The following TNS1 variants were observed in gnomAD, a reference collection of about 807,000 sequenced individuals.
TNS1 encodes the protein tensin-1.
A neutral mutation model predicts 168.6 loss-of-function variants in TNS1; 62 were observed. The ratio of observed to expected loss-of-function variants is 0.37; its 90% CI spans 0.30 to 0.45. The LOEUF (loss-of-function observed/expected upper bound fraction) is 0.45, where lower values mean the gene tolerates loss of function less well. Among genes scored for constraint, TNS1 ranks in the 20% least tolerant of loss-of-function variants. The probability of loss-of-function intolerance (pLI) is 1.00; values close to 1 mark genes in which losing one functional copy is unlikely to be tolerated. For synonymous variants in TNS1, 934 were observed against 933.2 expected, an observed-to-expected ratio of 1.00 and a Z score of -0.02; for missense variants, 2,240 against 2,339.4, an observed-to-expected ratio of 0.96 and a Z score of 0.88.
chr2:218,012,147 A>C (rs775297034), upstream of TNS1, among the ~76,000 whole-genome samples: 4 of 152,168 alleles, frequency 2.6e-5, no homozygotes, highest in Non-Finnish European at 4.4e-5. Context: ...TTGTCAGAGG[A>C]AATAGATAAA....
At chr2:217,844,738 T>TC (rs1946419499) in intron 19 of TNS1, among the ~76,000 whole-genome samples, 2 of 152,330 alleles carry the variant, frequency 1.3e-5, no homozygotes, top group South Asian at 4.1e-4. Context: ...AGTTCTTTTT[T>TC]CCCCCTATTA....
intron 9 of TNS1, among the ~76,000 whole-genome samples, chr2:217,894,522 T>G (rs184255367): frequency 6.6e-6 from 1 of 152,124 alleles, no homozygotes; most frequent in East Asian, 1.9e-4. Flanking sequence ...CCAGGCATGG[T>G]AGCACGTGCC....
intron 21 of TNS1, 99 bp from the exon 22 acceptor site, chr2:217,831,646 C>T: frequency 2.0e-6 from 2 of 980,906 alleles, no homozygotes; most frequent in Non-Finnish European, 1.4e-6. Context: ...GGCTGGGGGG[C>T]TGGAGACGGT....
upstream of TNS1, chr2:218,010,428 C>T (rs1009693329): frequency 2.6e-5 from 10 of 379,176 alleles, no homozygotes; most frequent in African/African-American, 2.1e-4. Context: ...GCTCCATCTC[C>T]GGGGAACCCC....
chr2:217,826,882 A>C (rs1171819134), intron 22 of TNS1, among the ~76,000 whole-genome samples: 1 of 152,142 alleles, frequency 6.6e-6, no homozygotes, highest in East Asian at 1.9e-4. Flanking sequence ...CCACACCCTG[A>C]AGTGCATTTT....
At chr2:217,852,340 C>A (rs572883294) in intron 18 of TNS1, among the ~76,000 whole-genome samples, 5 of 152,262 alleles carry the variant, frequency 3.3e-5, no homozygotes, top group Admixed American at 2.6e-4. Context: ...AGCCAGGGCA[C>A]CCCCTCTGCC....
intron 21 of TNS1, among the ~76,000 whole-genome samples, chr2:217,832,082 A>G (rs1944513132): frequency 6.6e-6 from 1 of 152,158 alleles, no homozygotes; most frequent in South Asian, 2.1e-4. Flanking sequence ...GAAGGAGATA[A>G]TGGGCCAGAG....
intron 3 of TNS1, among the ~76,000 whole-genome samples, chr2:217,946,969 T>TCACACACACACACACACACA (rs372012573): frequency 1.0e-4 from 12 of 118,850 alleles, no homozygotes; most frequent in African/African-American, 2.0e-4. Flanking sequence ...TCTCTCTCTC[T>TCACACACACACACACACACA]CACACACACA....
chr2:217,817,224 A>G (rs1490229205), intron 24 of TNS1, among the ~76,000 whole-genome samples: 3 of 152,156 alleles, frequency 2.0e-5, no homozygotes, highest in African/African-American at 7.2e-5. Flanking sequence ...CTGGATTGGA[A>G]GCCTTGGCTC....
At chr2:217,868,426 T>C (rs765285935) in intron 18 of TNS1, among the ~76,000 whole-genome samples, 2 of 152,178 alleles carry the variant, frequency 1.3e-5, no homozygotes, top group African/African-American at 4.8e-5. Flanking sequence ...TAGTTCTGCA[T>C]AGTGGGAAGA....
chr2:217,831,623 C>T (rs1944436456), intron 21 of TNS1, 76 bp from the exon 22 acceptor site: 2 of 1,228,358 alleles, frequency 1.6e-6, no homozygotes, highest in South Asian at 1.8e-5. Context: ...CACGTGAGGG[C>T]ACGCTTAGTG....
chr2:217,854,639 C>A (rs1333217082), intron 18 of TNS1, among the ~76,000 whole-genome samples: 2 of 152,228 alleles, frequency 1.3e-5, no homozygotes, highest in Non-Finnish European at 2.9e-5. Context: ...AGGCCACGTG[C>A]ATCTGAGAGG....
At chr2:217,920,142 C>T (rs886671372) in intron 4 of TNS1, 53 bp downstream of exon 4, 35 of 702,840 alleles carry the variant, frequency 5.0e-5, no homozygotes, top group Non-Finnish European at 8.1e-5. Flanking sequence ...CAGCTGGGAG[C>T]TGCGGAGGGA....
chr2:217,901,174 G>A (rs951034573), intron 6 of TNS1, among the ~76,000 whole-genome samples: 1 of 152,154 alleles, frequency 6.6e-6, no homozygotes, highest in Non-Finnish European at 1.5e-5. Context: ...ATCCATCCCA[G>A]GGCAGCAGGA....
chr2:218,003,198 G>A (rs536519076), upstream of TNS1, among the ~76,000 whole-genome samples: 134 of 147,518 alleles, frequency 9.1e-4, no homozygotes, highest in South Asian at 6.9e-3. Context: ...CCCCCAGGCC[G>A]TGCCCCCCAC....
Position 217,906,370 on chromosome 2 carries a change from G to C in TNS1, c.286C>G (p.Arg96Gly), listed in dbSNP as rs139988479. Residue 96 changes from arginine to glycine, a missense_variant, in exon 6 of 33, where the codon CGG becomes GGG. By Grantham distance (125) the Arg-to-Gly change is moderately radical (BLOSUM62 -2). Around this residue, in one of 2 missense-constraint regions of TNS1, gnomAD observed 2,131 missense variants for 2,171.2 expected, o/e 0.98. Coordinates refer to ENST00000682258, the MANE Select transcript of TNS1 (RefSeq NM_001387777.1). ...NVVDKGEGAS[R>G]GGNTRKSLED... ...AGGCTTTTCCGTGTGTTTCCACCCCGGGAGGCTCCTTCTCCCTGCAGACAG... is the reference window on the plus strand; with the variant it reads ...AGGCTTTTCCGTGTGTTTCCACCCCCGGAGGCTCCTTCTCCCTGCAGACAG... The C allele has an allele frequency of 1.7e-6, 1 of 599,234 alleles. No homozygotes were observed. Among genetic ancestry groups the C allele is most frequent in the Non-Finnish European group, 3.1e-6 (1 of 321,690 alleles). The allele number at this position is 599,234 out of a possible 1,614,324, so 37.1% of individuals were successfully genotyped here.
chr2:218,028,395 C>A (rs1292952405), intron 1 of TNS1, among the ~76,000 whole-genome samples: 1 of 152,202 alleles, frequency 6.6e-6, no homozygotes, highest in East Asian at 1.9e-4. Flanking sequence ...CTTGCACTTG[C>A]CCTATCTGCA....
At chr2:217,971,196 C>T (rs1352802647) in intron 3 of TNS1, among the ~76,000 whole-genome samples, 2 of 152,176 alleles carry the variant, frequency 1.3e-5, no homozygotes, top group African/African-American at 2.4e-5. Flanking sequence ...ACAATTCCAT[C>T]CCCCAAGGAA....
rs1480497916 is a variant in TNS1 at position 218,031,283 on chromosome 2, A to T, written c.156+2537T>A. The stretch of plus-strand genomic sequence containing the variant: ...ATGAGTGTGTTGTGTGTGAGCGTGT[A>T]TGAGTGTGTGAGTGTGTCTTTGTGT... On this transcript the variant is annotated intron_variant, in intron 1 of 1. Coordinates refer to the TNS1 transcript ENST00000649572. 4.1e-5 allele frequency among the ~76,000 whole-genome samples: 3 copies of T among 73,652 alleles called. No homozygotes were observed. In the East Asian group the frequency reaches 1.3e-3, roughly 33 times the overall value. The allele number at this position is 73,652 out of a possible 152,430, so 48.3% of individuals were successfully genotyped here.
Sources: allele counts gnomAD v4.1 joint callset (sites outside exome capture counted in the v4.1 genomes callset), GRCh38; gene constraint gnomAD v4.1.1; regional missense constraint gnomAD v4.1.1; transcripts MANE v1.5; gene names NCBI Gene and HGNC (gene_info 2026-07-23, HGNC 2026-07-21).